Variants in MEMO1 observed in about 807,000 individuals in gnomAD.
MEMO1 encodes mediator of cell motility 1, also known as protein MEMO1.
MEMO1 carries 6 observed loss-of-function variants against 45.2 expected under a neutral mutation model. That is an observed-to-expected ratio of 0.13 (90% CI 0.07 to 0.26). The LOEUF is 0.26. Among genes scored for constraint, MEMO1 ranks in the 10% least tolerant of loss-of-function variants. MEMO1 has a pLI of 1.00. For missense variants in MEMO1, 184 were observed against 370.5 expected, an observed-to-expected ratio of 0.50 and a Z score of 4.13; for synonymous variants, 78 against 124.3, an observed-to-expected ratio of 0.63 and a Z score of 2.48.
intron 4 of MEMO1, among the ~76,000 whole-genome samples, chr2:31,926,768 A>C (rs1177906122): frequency 6.6e-6 from 1 of 151,678 alleles, no homozygotes; most frequent in Non-Finnish European, 1.5e-5. Context: ...AATCCCTTGA[A>C]CCCAGGAGGT....
chr2:31,885,721 CT>C (rs1572568534), intron 7 of MEMO1, among the ~76,000 whole-genome samples: 1 of 152,178 alleles, frequency 6.6e-6, no homozygotes, highest in East Asian at 1.9e-4. Context: ...CTTTTCCCTG[CT>C]TCTGGAAATA....
intron 2 of MEMO1, among the ~76,000 whole-genome samples, chr2:31,992,739 G>A (rs1032480276): frequency 3.2e-4 from 48 of 152,064 alleles, no homozygotes; most frequent in African/African-American, 1.1e-3. Context: ...AGCCGAGATC[G>A]TGCCACTGCA....
chr2:31,985,336 TTA>T (rs1671131916), intron 2 of MEMO1, among the ~76,000 whole-genome samples: 2 of 152,206 alleles, frequency 1.3e-5, no homozygotes, highest in South Asian at 4.1e-4. Context: ...ATTTACTTAT[TTA>T]TTTATCGAGA....
chr2:31,986,901 G>C (rs4952245), intron 2 of MEMO1, among the ~76,000 whole-genome samples: 6,613 of 152,300 alleles, frequency 0.043, 253 homozygotes, highest in Admixed American at 0.12. Flanking sequence ...GTCAAGAAAA[G>C]AGCTGGGGAA....
At chr2:31,994,342 TAGAG>T (rs1170357393) in intron 2 of MEMO1, among the ~76,000 whole-genome samples, 3 of 151,684 alleles carry the variant, frequency 2.0e-5, no homozygotes, top group Non-Finnish European at 2.9e-5. Context: ...TAAAAATTAA[TAGAG>T]AGGTCGGGCG....
At chr2:31,923,161 G>C (rs1426398882) in intron 4 of MEMO1, among the ~76,000 whole-genome samples, 1 of 151,984 alleles carries the variant, frequency 6.6e-6, no homozygotes, top group African/African-American at 2.4e-5. Context: ...TTCAATAACC[G>C]CCACTCTATT....
intron 2 of MEMO1, among the ~76,000 whole-genome samples, chr2:31,986,943 C>T (rs940744225): frequency 3.9e-5 from 6 of 152,240 alleles, no homozygotes; most frequent in African/African-American, 1.4e-4. Context: ...ACAGCAAATG[C>T]AAGGGCCCTA....
intron 2 of MEMO1, among the ~76,000 whole-genome samples, chr2:31,957,142 CA>C (rs754542523): frequency 0.21 from 16,207 of 77,558 alleles, 1,013 homozygotes; most frequent in Non-Finnish European, 0.26. Flanking sequence ...AACTCCGTCT[CA>C]AAAAAAAAAA....
chr2:31,962,946 T>C (rs1052257117), intron 2 of MEMO1, among the ~76,000 whole-genome samples: 1 of 152,230 alleles, frequency 6.6e-6, no homozygotes, highest in Non-Finnish European at 1.5e-5. Context: ...ACCTCATCAG[T>C]TGAAGGCCTG....
At chr2:32,002,481 G>A (rs1459656589) in intron 2 of MEMO1, among the ~76,000 whole-genome samples, 3 of 151,366 alleles carry the variant, frequency 2.0e-5, no homozygotes, top group Admixed American at 6.6e-5. Flanking sequence ...TGCAGTTTGG[G>A]GAAAATGAAG....
chr2:31,987,318 C>T (rs1032820035), intron 2 of MEMO1, among the ~76,000 whole-genome samples: 1 of 152,060 alleles, frequency 6.6e-6, no homozygotes, highest in Admixed American at 6.6e-5. Flanking sequence ...TTTTGTTAAT[C>T]CTAAAACACA....
intron 6 of MEMO1, among the ~76,000 whole-genome samples, chr2:31,904,066 CA>C (rs1383065691): frequency 4.6e-4 from 70 of 152,272 alleles, no homozygotes; most frequent in African/African-American, 1.6e-3. Context: ...GTTAAGATGG[CA>C]TTTCAGAGAG....
Position 31,932,043 on chromosome 2 carries a change from T to G in MEMO1, c.212+24A>C, listed in dbSNP as rs750790214. On this transcript the variant is annotated intron_variant, in intron 4 of 9. Transcript: ENST00000404530. ...CAATAAATTCTCAAGCTTCTCCGACTTAAAACAAAACTACATTACTTACGT... is the reference window on the plus strand; with the variant it reads ...CAATAAATTCTCAAGCTTCTCCGACGTAAAACAAAACTACATTACTTACGT... 3 of 1,602,672 alleles carry G rather than the reference T, an allele frequency of 1.9e-6. No individual in the cohort carries two copies. The Admixed American group carries it at 5.1e-5, about 27-fold the overall frequency.
chr2:32,008,360 AG>A (rs1674359083), intron 2 of MEMO1, among the ~76,000 whole-genome samples: 8 of 152,190 alleles, frequency 5.3e-5, no homozygotes, highest in Admixed American at 4.6e-4. Flanking sequence ...CCCAGGCGGG[AG>A]GATCACGAAG....
At chr2:31,911,919 G>A (rs1175940816) in intron 6 of MEMO1, among the ~76,000 whole-genome samples, 1 of 152,090 alleles carries the variant, frequency 6.6e-6, no homozygotes, top group Non-Finnish European at 1.5e-5. Flanking sequence ...GGGATTACAG[G>A]CCTCATGAGC....
Position 31,920,774 on chromosome 2 carries a change from GCTATAAT to G in MEMO1, c.325+17_325+23del. On this transcript the variant is annotated intron_variant, in intron 5 of 9. Transcript: ENST00000404530. ...TTAAAAGAACATTAGCTATTTGAAA[GCTATAAT>G]ATTTCTATATACTTACTCTTTTGGT... 7.4e-7 allele frequency: 1 copy of G among 1,345,472 alleles called. No individual in the cohort carries two copies. The highest frequency in any genetic ancestry group is 1.0e-6 in the Non-Finnish European group (1 of 991,820). The allele number at this position is 1,345,472 out of a possible 1,614,324, so 83.3% of individuals were successfully genotyped here.
intron 2 of MEMO1, among the ~76,000 whole-genome samples, chr2:31,986,051 T>C (rs531028070): frequency 1.3e-5 from 2 of 152,304 alleles, no homozygotes; most frequent in East Asian, 1.9e-4. Context: ...TGGAACTCCC[T>C]GTTCTATTCT....
chr2:31,989,615 T>C (rs1336958707), intron 2 of MEMO1, among the ~76,000 whole-genome samples: 2 of 152,210 alleles, frequency 1.3e-5, no homozygotes, highest in African/African-American at 4.8e-5. Flanking sequence ...TTTACTGAGA[T>C]GGTTTCAAAT....
intron 8 of MEMO1, among the ~76,000 whole-genome samples, chr2:31,879,334 G>A (rs1175995722): frequency 6.6e-6 from 1 of 152,000 alleles, no homozygotes; most frequent in East Asian, 1.9e-4. Context: ...GAACTCTACT[G>A]GCTCTGCTTT....
Sources: gnomAD v4.1 joint callset for allele counts (sites outside exome capture counted in the v4.1 genomes callset) on GRCh38, gnomAD v4.1.1 for gene constraint, MANE v1.5 for transcripts, NCBI Gene and HGNC (gene_info 2026-07-23, HGNC 2026-07-21) for gene names.